Variants in UBE3D observed in about 807,000 individuals in gnomAD.
UBE3D encodes the protein ubiquitin protein ligase E3D.
Under a neutral mutation model 49.6 loss-of-function variants are expected in UBE3D, and 48 were observed. The observed-to-expected ratio is 0.97, with a 90% CI of 0.77 to 1.23. UBE3D has a LOEUF of 1.23. Among genes scored for constraint, UBE3D ranks in the 50% most tolerant of loss-of-function variants. The pLI is 0.00. For missense variants in UBE3D, 452 were observed against 468.4 expected, an observed-to-expected ratio of 0.96 and a Z score of 0.32; for synonymous variants, 189 against 174.2, an observed-to-expected ratio of 1.08 and a Z score of -0.67.
At chr6:83,000,920 C>G (rs1779587570) in intron 8 of UBE3D, among the ~76,000 whole-genome samples, 1 of 151,940 alleles carries the variant, frequency 6.6e-6, no homozygotes, top group Non-Finnish European at 1.5e-5. Context: ...TCTCGGCTTA[C>G]CGCAACCTCC....
chr6:82,996,162 A>G (rs1290236306), intron 8 of UBE3D, among the ~76,000 whole-genome samples: 1 of 152,134 alleles, frequency 6.6e-6, no homozygotes, highest in Non-Finnish European at 1.5e-5. Context: ...TGGGGCTGGG[A>G]AAATGGGAAA....
At chr6:82,887,673 CACTCCATCCTGGGCAACAGAGAGAT>C (rs1194495591), downstream of UBE3D, among the ~76,000 whole-genome samples, 1 of 149,562 alleles carries the variant, frequency 6.7e-6, no homozygotes, top group Non-Finnish European at 1.5e-5. Context: ...GGCGCCACTG[CACTCCATCCTGGGCAACAGAGAGAT>C]ACTCCATCCC....
At chr6:83,054,337 C>T (rs924578104) in intron 2 of UBE3D, 99 bp from the exon 3 acceptor site, 1 of 873,128 alleles carries the variant, frequency 1.1e-6, no homozygotes, top group African/African-American at 1.7e-5. Context: ...CATCCATAAA[C>T]AGTTTATGAT....
chr6:82,923,891 A>G (rs1449423302), intron 9 of UBE3D, among the ~76,000 whole-genome samples: 1 of 152,206 alleles, frequency 6.6e-6, no homozygotes, highest in Admixed American at 6.5e-5. Context: ...TTCACCATAT[A>G]AACAGATTAA....
chr6:83,044,730 T>C (rs1198739497), intron 3 of UBE3D, 71 bp from the exon 4 acceptor site: 18 of 1,280,498 alleles, frequency 1.4e-5, no homozygotes, highest in Non-Finnish European at 1.8e-5. Flanking sequence ...TAAATGACCA[T>C]AAAAGATGAA....
intron 8 of UBE3D, among the ~76,000 whole-genome samples, chr6:82,976,245 C>T (rs754092487): frequency 6.6e-6 from 1 of 152,176 alleles, no homozygotes; most frequent in Non-Finnish European, 1.5e-5. Flanking sequence ...ATCATAAAAT[C>T]ATAGCACCAT....
At chr6:82,942,133 A>C (rs1775060522) in intron 9 of UBE3D, among the ~76,000 whole-genome samples, 1 of 152,198 alleles carries the variant, frequency 6.6e-6, no homozygotes, top group Non-Finnish European at 1.5e-5. Flanking sequence ...TGATAGTGAT[A>C]TGAAGAATGA....
At chr6:82,888,251 C>A (rs531726024), downstream of UBE3D, among the ~76,000 whole-genome samples, 1 of 150,928 alleles carries the variant, frequency 6.6e-6, no homozygotes, top group Non-Finnish European at 1.5e-5. Flanking sequence ...AGGCAATCTA[C>A]TGCTGCTACT....
At chr6:82,923,669 C>T (rs1470528369) in intron 9 of UBE3D, among the ~76,000 whole-genome samples, 3 of 152,082 alleles carry the variant, frequency 2.0e-5, no homozygotes, top group Admixed American at 6.6e-5. Context: ...ACCTATGTAA[C>T]AAAATGCACG....
At chr6:83,001,894 G>A (rs931274399) in intron 8 of UBE3D, among the ~76,000 whole-genome samples, 1 of 152,130 alleles carries the variant, frequency 6.6e-6, no homozygotes, top group African/African-American at 2.4e-5. Context: ...GCGTATCACA[G>A]AGATTCTTAA....
rs573418519 is a variant in UBE3D at position 83,052,787 on chromosome 6, G to A, written c.365+1361C>T. 5.3e-5 allele frequency among the ~76,000 whole-genome samples: 8 copies of A among 152,196 alleles called. No homozygotes were observed. In the South Asian group the frequency reaches 1.7e-3, roughly 32 times the overall value. Reference sequence around the variant, plus strand: ...TTGGAGAAATGGGGGGCCATGGAGGGGTTTGACCAGCAGAGCCTGATGCAT... The same window carrying A: ...TTGGAGAAATGGGGGGCCATGGAGGAGTTTGACCAGCAGAGCCTGATGCAT... On this transcript the variant is annotated intron_variant, in intron 3 of 9. Coordinates refer to ENST00000369747, the MANE Select transcript of UBE3D (RefSeq NM_198920.3).
At chr6:82,964,868 C>T (rs999953249) in intron 8 of UBE3D, among the ~76,000 whole-genome samples, 1 of 151,960 alleles carries the variant, frequency 6.6e-6, no homozygotes, top group Non-Finnish European at 1.5e-5. Flanking sequence ...TAAAAATAGA[C>T]CCTGAAAAAA....
intron 8 of UBE3D, among the ~76,000 whole-genome samples, chr6:83,015,592 C>T (rs901023290): frequency 1.3e-5 from 2 of 152,152 alleles, no homozygotes; most frequent in Non-Finnish European, 2.9e-5. Flanking sequence ...TGTTTATATA[C>T]ATTAGAAAAC....
chr6:82,979,358 T>C (rs1335032014), intron 8 of UBE3D, among the ~76,000 whole-genome samples: 2 of 152,150 alleles, frequency 1.3e-5, no homozygotes, highest in African/African-American at 4.8e-5. Flanking sequence ...TGATAGAACC[T>C]TGGAGTAGAC....
At chr6:83,004,364 G>C (rs919276551) in intron 8 of UBE3D, among the ~76,000 whole-genome samples, 1 of 152,108 alleles carries the variant, frequency 6.6e-6, no homozygotes, top group African/African-American at 2.4e-5. Flanking sequence ...TTTGAAATCA[G>C]GACAACCCAA....
intron 5 of UBE3D, 28 bp downstream of exon 5, chr6:83,038,388 T>C: frequency 1.3e-6 from 2 of 1,566,324 alleles, no homozygotes; most frequent in Non-Finnish European, 1.8e-6. Context: ...AAGCCAATCA[T>C]TTTGGCTTCT....
intron 9 of UBE3D, among the ~76,000 whole-genome samples, chr6:82,920,568 T>C (rs1230873855): frequency 1.3e-5 from 2 of 152,226 alleles, no homozygotes; most frequent in South Asian, 2.1e-4. Context: ...GCAAGTGATA[T>C]GAACCTCTCC....
At chr6:83,006,783 T>A (rs562740688) in intron 8 of UBE3D, among the ~76,000 whole-genome samples, 1 of 152,056 alleles carries the variant, frequency 6.6e-6, no homozygotes, top group East Asian at 1.9e-4. Flanking sequence ...AGGGTTGTGG[T>A]TTAATGAGTA....
chr6:83,065,659 G>A lies in UBE3D; in HGVS notation c.60C>T (p.Ser20=), dbSNP rs1347579839. Residue 20 remains serine, a synonymous_variant, in exon 1 of 10, where the codon AGC becomes AGT. Transcript: ENST00000369747. ...GTTCTTACCCCAGGATCAGAAGCGCGCTCTGCAGCTGTCCCCGCACCTCCA... is the reference window on the plus strand; with the variant it reads ...GTTCTTACCCCAGGATCAGAAGCGCACTCTGCAGCTGTCCCCGCACCTCCA... ...VFLEVRGQLQ[S]ALLILGEPKE... The A allele has an allele frequency of 1.9e-6, 3 of 1,613,862 alleles. No homozygotes were observed. The highest frequency in any genetic ancestry group is 2.5e-6 in the Non-Finnish European group (3 of 1,179,876).
Sources: allele counts gnomAD v4.1 joint callset (sites outside exome capture counted in the v4.1 genomes callset), GRCh38; gene constraint gnomAD v4.1.1; transcripts MANE v1.5; gene names NCBI Gene and HGNC (gene_info 2026-07-23, HGNC 2026-07-21).